The following DAGLA variants were observed in gnomAD, a reference collection of about 807,000 sequenced individuals.
The protein encoded by DAGLA is diacylglycerol lipase alpha.
A neutral mutation model predicts 102.6 loss-of-function variants in DAGLA; 22 were observed. That is an observed-to-expected ratio of 0.21 (90% confidence interval 0.15 to 0.31). The LOEUF (loss-of-function observed/expected upper bound fraction) is 0.31. Among genes scored for constraint, DAGLA ranks in the 10% least tolerant of loss-of-function variants. DAGLA has a pLI of 1.00. For synonymous variants in DAGLA, 578 were observed against 628.9 expected (o/e 0.92, Z 1.21); for missense variants, 927 against 1,446.6 (o/e 0.64, Z 5.83).
At position 61,703,158 on chromosome 11, in the gene DAGLA, G is replaced by A. The variant is rs149362147; in HGVS notation, c.-44-16954G>A. ...GGTTTCTCTTTCAGGCAGCAGGGAC[G>A]TGGTGAGCTCCCCCAACCTGCCAAA... On this transcript the variant is annotated intron_variant, in intron 1 of 19. Coordinates refer to ENST00000257215, the MANE Select transcript of DAGLA (RefSeq NM_006133.3). 3.4e-3 allele frequency among the ~76,000 whole-genome samples: 511 copies of A among 152,302 alleles called. 1 individual carries two copies. Among genetic ancestry groups the A allele is most frequent in the Non-Finnish European group, 5.8e-3 (397 of 68,034 alleles).
At chr11:61,719,806 C>T (rs1013866118) in intron 1 of DAGLA, among the ~76,000 whole-genome samples, 3 of 152,086 alleles carry the variant, frequency 2.0e-5, no homozygotes, top group African/African-American at 4.8e-5. Context: ...AAGGAGGAAA[C>T]GGGGTCTTTA....
rs1460505705 is a variant in DAGLA, at chr11:61,686,187, A to G, written c.-45+5683A>G. Reference sequence around the variant, plus strand: ...TGATTATGGAAGGGAGACAGAAATCATGAGATTGGTCAGTGTGGTCACTAG... The same window carrying G: ...TGATTATGGAAGGGAGACAGAAATCGTGAGATTGGTCAGTGTGGTCACTAG... On this transcript the variant is annotated intron_variant, in intron 1 of 19. Coordinates refer to ENST00000257215, the MANE Select transcript of DAGLA (RefSeq NM_006133.3). The surrounding 1 kb of genome is among the most constrained non-coding windows in gnomAD (Gnocchi z 5.2). Among the ~76,000 whole-genome samples the G allele has an allele frequency of 2.0e-5, 3 of 152,140 alleles. No individual in the cohort carries two copies. In the East Asian group the frequency reaches 5.8e-4, roughly 29 times the overall value.
rs966618318 is a variant in DAGLA at position 61,744,037 on chromosome 11, G to A, written c.2677G>A (p.Gly893Arg). 14 of 1,612,390 alleles carry A rather than the reference G, an allele frequency of 8.7e-6. No homozygotes were observed. The highest frequency in any genetic ancestry group is 2.2e-5 in the East Asian group (1 of 44,866). Residue 893 changes from glycine to arginine, a missense_variant, in exon 20 of 20, where the codon GGG becomes AGG. Gly to Arg is a moderately radical substitution (Grantham distance 125, BLOSUM62 -2). This residue lies in a region of DAGLA where 434 missense variants were observed against 503.3 expected (regional missense o/e 0.86). Coordinates refer to ENST00000257215, the MANE Select transcript of DAGLA (RefSeq NM_006133.3). Reference protein sequence around the residue: ...GGGGGGPASRGELALHNGRLG... With the variant: ...GGGGGGPASRRELALHNGRLG... ...TGGGGGTGGCGGGCCGGCCTCCCGC[G>A]GGGAGCTGGCGCTGCACAATGGGCG... is the stretch of plus-strand genomic sequence containing the variant.
intron 1 of DAGLA, among the ~76,000 whole-genome samples, chr11:61,705,134 C>T (rs911266499): frequency 3.3e-5 from 5 of 152,236 alleles, no homozygotes; most frequent in African/African-American, 1.2e-4. Flanking sequence ...AGCCCCAGGC[C>T]TCCGTTCTCA....
In DAGLA at chr11:61,745,974, C is replaced by T. The variant is rs1043254276; in HGVS notation, c.*1485C>T. On this transcript the variant is annotated 3_prime_UTR_variant, in exon 20 of 20. Coordinates refer to ENST00000257215, the MANE Select transcript of DAGLA (RefSeq NM_006133.3). ...TTTGGAAAACTGGTGTGTACCGAGG[C>T]GCTGACTGCACGGCTGACCGCCTGC... 5.2e-5 allele frequency: 8 copies of T among 152,436 alleles called. No homozygotes were observed. Among genetic ancestry groups the T allele is most frequent in the African/African-American group, 1.9e-4 (8 of 41,446 alleles). 9.4% of individuals were successfully genotyped at this position (152,436 alleles called of 1,614,324 possible). A position where few individuals can be genotyped will look rare whatever the true frequency, so the allele number is the denominator to read the frequency against.
At position 61,736,261 on chromosome 11, in the gene DAGLA, C is replaced by T. The variant is rs747083387; in HGVS notation, c.1291-9C>T. 1.4e-5 allele frequency: 22 copies of T among 1,613,312 alleles called. No individual in the cohort carries two copies. The highest frequency in any genetic ancestry group is 1.6e-4 in the Middle Eastern group (1 of 6,080). ...CCACCAACACCTGCTTCTGTTCCTG[C>T]CCACCCAGGGTATGGTCCTCTCAGC... On this transcript the variant is annotated splice_polypyrimidine_tract_variant and intron_variant, in intron 12 of 19. Coordinates refer to ENST00000257215, the MANE Select transcript of DAGLA (RefSeq NM_006133.3).
intron 1 of DAGLA, among the ~76,000 whole-genome samples, chr11:61,689,201 G>T (rs1234385661): frequency 6.6e-6 from 1 of 152,262 alleles, no homozygotes; most frequent in African/African-American, 2.4e-5. Context: ...CAGTTTTGGG[G>T]CAGGCTGCAG....
chr11:61,722,481 G>A (rs981590945), intron 3 of DAGLA, among the ~76,000 whole-genome samples: 6 of 152,292 alleles, frequency 3.9e-5, no homozygotes, highest in Admixed American at 3.9e-4. Context: ...ATCTACCCTA[G>A]GGACTGAAGC....
intron 9 of DAGLA, among the ~76,000 whole-genome samples, chr11:61,731,704 T>C (rs1451344657): frequency 6.6e-6 from 1 of 152,170 alleles, no homozygotes; most frequent in Non-Finnish European, 1.5e-5. Context: ...CTCAGTTTCT[T>C]TATCTGCGAA....
At position 61,734,426 on chromosome 11, in the gene DAGLA, G is replaced by A. The variant is rs1315446890; in HGVS notation, c.975-423G>A. 6.6e-6 allele frequency among the ~76,000 whole-genome samples: 1 copy of A among 152,090 alleles called. No individual in the cohort carries two copies. The highest frequency in any genetic ancestry group is 6.5e-5 in the Admixed American group (1 of 15,272). On this transcript the variant is annotated intron_variant, in intron 9 of 19. Transcript: ENST00000257215. The surrounding 1 kb of genome is among the most constrained non-coding windows in gnomAD (Gnocchi z 4.2). Reference sequence around the variant, plus strand: ...GTGCTGGCTAGGCCATTGGATGGAAGCATCTGGGTGTTGGGGCAGGCCTGG... The same window carrying A: ...GTGCTGGCTAGGCCATTGGATGGAAACATCTGGGTGTTGGGGCAGGCCTGG...
intron 1 of DAGLA, among the ~76,000 whole-genome samples, chr11:61,689,957 C>A (rs978945950): frequency 2.2e-4 from 33 of 152,162 alleles, no homozygotes; most frequent in Admixed American, 1.9e-3. Flanking sequence ...GTTGGGGGAT[C>A]ATGACTTGGC....
At chr11:61,737,456 T>C in intron 14 of DAGLA, 132 bp downstream of exon 14, 9 of 1,351,110 alleles carry the variant, frequency 6.7e-6, no homozygotes, top group Non-Finnish European at 9.3e-6. Context: ...GCCTGGAGGG[T>C]GGAGGGTGGG....
chr11:61,686,809 C>T lies in DAGLA; in HGVS notation c.-45+6305C>T, dbSNP rs2064988849. Among the ~76,000 whole-genome samples the T allele has an allele frequency of 6.6e-6, 1 of 152,174 alleles. No individual in the cohort carries two copies. The highest frequency in any genetic ancestry group is 1.5e-5 in the Non-Finnish European group (1 of 68,020). On this transcript the variant is annotated intron_variant, in intron 1 of 19. Coordinates refer to ENST00000257215, the MANE Select transcript of DAGLA (RefSeq NM_006133.3). The surrounding 1 kb of genome is among the most constrained non-coding windows in gnomAD (Gnocchi z 5.2). The stretch of plus-strand genomic sequence containing the variant: ...GTTCCTGGACTTCCTTGAGGTTAAT[C>T]TATTATTGATGTCCCTTCGTTTATA...
At chr11:61,738,985 G>T (rs1356922302) in intron 16 of DAGLA, among the ~76,000 whole-genome samples, 2 of 152,220 alleles carry the variant, frequency 1.3e-5, no homozygotes, top group Non-Finnish European at 2.9e-5. Flanking sequence ...AGCTTTGTGG[G>T]ACTTTGCCTG....
chr11:61,726,116 C>T, intron 6 of DAGLA, 34 bp downstream of exon 6: 2 of 1,590,832 alleles, frequency 1.3e-6, no homozygotes, highest in Non-Finnish European at 1.7e-6. Context: ...CTCTGGCTCA[C>T]ATCCTGTGGT....
intron 10 of DAGLA, 62 bp downstream of exon 10, chr11:61,735,064 G>A: frequency 6.4e-7 from 1 of 1,569,644 alleles, no homozygotes; most frequent in Non-Finnish European, 8.7e-7. Flanking sequence ...CTAGGGTGCT[G>A]AGGCTATCCT....
chr11:61,728,418 C>T, intron 7 of DAGLA, 131 bp downstream of exon 7: 1 of 1,152,400 alleles, frequency 8.7e-7, no homozygotes, highest in Non-Finnish European at 1.2e-6. Context: ...CTCTCTTGGA[C>T]CCTGGAGGTC....
chr11:61,681,160 G>A (rs1003057439), intron 1 of DAGLA, among the ~76,000 whole-genome samples: 1 of 152,124 alleles, frequency 6.6e-6, no homozygotes, highest in African/African-American at 2.4e-5. Flanking sequence ...CCTTCCTCAC[G>A]GGCGATGAAG....
In DAGLA at chr11:61,739,548, G is replaced by A. The variant is rs185862237; in HGVS notation, c.1740G>A (p.Thr580=). The A allele has an allele frequency of 2.9e-5, 46 of 1,613,794 alleles. No homozygotes were observed. Among genetic ancestry groups the A allele is most frequent in the African/African-American group, 6.7e-5 (5 of 74,950 alleles). ...TAGAGGTGACCACCCTGGCCAGCAC[G>A]CGGCTCTGGACCCACCCCAGCGACC... ...EEVEVTTLAS[T]RLWTHPSDLT... is the part of the protein sequence containing the mutation. The change falls in exon 17 of 20, where the codon ACG becomes ACA. Residue 580 remains threonine (T), a synonymous_variant. Transcript: ENST00000257215.
Sources: gnomAD v4.1 joint callset for allele counts (sites outside exome capture counted in the v4.1 genomes callset) on GRCh38, gnomAD v4.1.1 for gene constraint, gnomAD v4.1.1 regional missense constraint, Gnocchi (gnomAD v3.1) non-coding constraint, MANE v1.5 for transcripts, NCBI Gene and HGNC (gene_info 2026-07-23, HGNC 2026-07-21) for gene names.